The following PGBD5 variants were observed in gnomAD, a reference collection of about 807,000 sequenced individuals.
PGBD5 encodes piggyBac transposable element-derived protein 5.
PGBD5 carries 14 observed loss-of-function variants against 47.9 expected under a neutral mutation model. That is an observed-to-expected ratio of 0.29 (90% CI 0.19 to 0.46). The LOEUF (loss-of-function observed/expected upper bound fraction) is 0.46. Ranked by LOEUF, PGBD5 falls within the 20% of genes least tolerant of loss-of-function variation. PGBD5 has a pLI of 1.00. For missense variants in PGBD5, 635 were observed against 716.0 expected, an observed-to-expected ratio of 0.89 and a Z score of 1.29; for synonymous variants, 316 against 306.3, an observed-to-expected ratio of 1.03 and a Z score of -0.33.
chr1:230,325,438 G>A, intron 5 of PGBD5, 23 bp from the exon 6 acceptor site: 3 of 1,568,566 alleles, frequency 1.9e-6, no homozygotes, highest in Non-Finnish European at 2.6e-6. Flanking sequence ...GACAAGATAA[G>A]CCCCTTCCTC....
chr1:230,353,553 T>C (rs887825060), intron 2 of PGBD5, among the ~76,000 whole-genome samples: 6 of 152,136 alleles, frequency 3.9e-5, no homozygotes, highest in African/African-American at 1.4e-4. Flanking sequence ...GATTGCAGGC[T>C]GGAGGGTGCG....
intron 1 of PGBD5, among the ~76,000 whole-genome samples, chr1:230,402,465 A>G (rs370137177): frequency 4.6e-4 from 70 of 152,356 alleles, no homozygotes; most frequent in African/African-American, 1.5e-3. Flanking sequence ...TTGCTCTGTC[A>G]CTAAAGTTGG....
At chr1:230,420,862 A>C (rs1657630441) in intron 1 of PGBD5, among the ~76,000 whole-genome samples, 1 of 152,174 alleles carries the variant, frequency 6.6e-6, no homozygotes, top group African/African-American at 2.4e-5. Context: ...AATAAGAAAA[A>C]AACATACAAT....
Position 230,320,340 on chromosome 1 carries a change from G to C in PGBD5, c.*3085C>G, listed in dbSNP as rs547634569. 1 of 152,182 alleles carries C rather than the reference G, an allele frequency of 6.6e-6. No homozygotes were observed. Among genetic ancestry groups the C allele is most frequent in the Non-Finnish European group, 1.5e-5 (1 of 68,034 alleles). 9.4% of individuals were successfully genotyped at this position (152,182 alleles called of 1,614,324 possible). A position where few individuals can be genotyped will look rare whatever the true frequency, so the allele number is the denominator to read the frequency against. ...GTAATGGGAAGGTCTCATAAACTCC[G>C]TGAAGCTCAGTGCAGGTTCAATTCC... On this transcript the variant is annotated 3_prime_UTR_variant, in exon 7 of 7. Transcript: ENST00000391860.
chr1:230,397,960 C>T (rs1200979584), intron 1 of PGBD5, among the ~76,000 whole-genome samples: 1 of 152,340 alleles, frequency 6.6e-6, no homozygotes, highest in East Asian at 1.9e-4. Flanking sequence ...GGTGGCTGTG[C>T]CCTGGAGAAG....
chr1:230,400,122 T>C (rs753159725), intron 1 of PGBD5, among the ~76,000 whole-genome samples: 2 of 152,222 alleles, frequency 1.3e-5, no homozygotes, highest in Non-Finnish European at 2.9e-5. Flanking sequence ...TGCAGCTCTC[T>C]GACCGCCTTC....
At chr1:230,415,229 C>T (rs1657488650) in intron 1 of PGBD5, among the ~76,000 whole-genome samples, 1 of 151,488 alleles carries the variant, frequency 6.6e-6, no homozygotes, top group Non-Finnish European at 1.5e-5. Context: ...GAGCTGTGAT[C>T]ACACCAGTAC....
rs113577350 is a variant in PGBD5, at chr1:230,399,508, T to C, written c.331+26090A>G. 2.6e-3 allele frequency among the ~76,000 whole-genome samples: 398 copies of C among 152,238 alleles called. 3 individuals are homozygous for C. Among genetic ancestry groups the C allele is most frequent in the African/African-American group, 9.2e-3 (384 of 41,546 alleles). ...ACCCTCCCATGGGTCTGGTTACCCA[T>C]ACGTTTACTTTACAGGAGAAGGCAG... On this transcript the variant is annotated intron_variant, in intron 1 of 6. Transcript: ENST00000391860.
At chr1:230,351,146 G>A in intron 2 of PGBD5, 54 bp from the exon 3 acceptor site, 1 of 1,549,312 alleles carries the variant, frequency 6.5e-7, no homozygotes, top group Non-Finnish European at 8.7e-7. Context: ...GAGCTTGAGG[G>A]CTCATCAGAT....
At position 230,357,660 on chromosome 1, in the gene PGBD5, G is replaced by C. The variant is rs1432268969; in HGVS notation, c.332-339C>G. ...ACACCAGACCGGAGGACAGCCCTCGGGGGGCGCAGTCACGTGGAATCCCTG... is the reference window on the plus strand; with the variant it reads ...ACACCAGACCGGAGGACAGCCCTCGCGGGGCGCAGTCACGTGGAATCCCTG... On this transcript the variant is annotated intron_variant, in intron 1 of 6. Transcript: ENST00000391860. This position sits in a 1 kb window ranked among gnomAD's most constrained non-coding sequence, Gnocchi z 5.7. Among the ~76,000 whole-genome samples the C allele has an allele frequency of 6.6e-6, 1 of 152,190 alleles. No homozygotes were observed. Among genetic ancestry groups the C allele is most frequent in the Non-Finnish European group, 1.5e-5 (1 of 68,050 alleles).
chr1:230,333,378 C>G (rs563809559), intron 4 of PGBD5, among the ~76,000 whole-genome samples: 1 of 152,186 alleles, frequency 6.6e-6, no homozygotes, highest in African/African-American at 2.4e-5. Context: ...CACAGCACTA[C>G]GCACGTGTAC....
Position 230,357,022 on chromosome 1 carries a change from T to G in PGBD5, c.631A>C (p.Ile211Leu). 6.2e-7 allele frequency: 1 copy of G among 1,614,118 alleles called. No individual in the cohort carries two copies. Among genetic ancestry groups the G allele is most frequent in the Non-Finnish European group, 8.5e-7 (1 of 1,180,024 alleles). ...GCCACGACGTGGAAGTACTTGAGGATCTTCTCGAAGCGGGCCTGGCTCATG... is the reference window on the plus strand; with the variant it reads ...GCCACGACGTGGAAGTACTTGAGGAGCTTCTCGAAGCGGGCCTGGCTCATG... ...LVMSQARFEK[I>L]LKYFHVVAFR... The change falls in exon 2 of 7, where the codon ATC becomes CTC. Residue 211 changes from isoleucine (I) to leucine (L), a missense_variant. Transcript: ENST00000391860. The surrounding 1 kb of genome is among the most constrained non-coding windows in gnomAD (Gnocchi z 5.7).
intron 1 of PGBD5, among the ~76,000 whole-genome samples, chr1:230,364,697 T>C (rs781271805): frequency 1.3e-5 from 2 of 152,250 alleles, no homozygotes; most frequent in African/African-American, 2.4e-5. Flanking sequence ...ATATGAACCA[T>C]AGAATAGTTG....
At chr1:230,374,455 C>T (rs1362499382) in intron 1 of PGBD5, among the ~76,000 whole-genome samples, 1 of 152,108 alleles carries the variant, frequency 6.6e-6, no homozygotes, top group Non-Finnish European at 1.5e-5. Context: ...AACACCTTTA[C>T]AGAGATTACA....
intron 4 of PGBD5, among the ~76,000 whole-genome samples, chr1:230,334,604 G>GT (rs999736476): frequency 8.2e-6 from 1 of 122,012 alleles, no homozygotes; most frequent in Non-Finnish European, 1.9e-5. Context: ...ATCCCCCAGG[G>GT]TGGGGGGACA....
intron 1 of PGBD5, among the ~76,000 whole-genome samples, chr1:230,406,381 A>AAT (rs1258148535): frequency 6.6e-6 from 1 of 151,976 alleles, no homozygotes; most frequent in African/African-American, 2.4e-5. Flanking sequence ...GCAAGAGTAA[A>AAT]ATGTTGCAAT....
At chr1:230,399,993 C>T (rs1419811139) in intron 1 of PGBD5, among the ~76,000 whole-genome samples, 7 of 152,246 alleles carry the variant, frequency 4.6e-5, no homozygotes, top group Non-Finnish European at 2.9e-5. Flanking sequence ...CTCTTTAAAA[C>T]TTACACAGGG....
rs892475827 is a variant in PGBD5, at chr1:230,321,517, T to C, written c.*1908A>G. ...TGGGCTTTCGCCATGTTGCCAATGC[T>C]GGTCTCAAACTCCTGGACTCAAGCG... On this transcript the variant is annotated 3_prime_UTR_variant, in exon 7 of 7. Coordinates refer to ENST00000391860, the MANE Select transcript of PGBD5 (RefSeq NM_001258311.2). 7 of 152,258 alleles carry C rather than the reference T, an allele frequency of 4.6e-5. No individual in the cohort carries two copies. Among genetic ancestry groups the C allele is most frequent in the Non-Finnish European group, 8.8e-5 (6 of 68,064 alleles). The allele number at this position is 152,258 out of a possible 1,614,324, so 9.4% of individuals were successfully genotyped here.
At chr1:230,381,543 C>T (rs1369958728) in intron 1 of PGBD5, among the ~76,000 whole-genome samples, 2 of 152,234 alleles carry the variant, frequency 1.3e-5, no homozygotes, top group Non-Finnish European at 2.9e-5. Context: ...AGGCTTACCC[C>T]ATCCCTGCCT....
Sources: gnomAD v4.1 joint callset for allele counts (sites outside exome capture counted in the v4.1 genomes callset) on GRCh38, gnomAD v4.1.1 for gene constraint, Gnocchi (gnomAD v3.1) non-coding constraint, MANE v1.5 for transcripts, NCBI Gene and HGNC (gene_info 2026-07-23, HGNC 2026-07-21) for gene names.